Variants in PDILT observed in about 807,000 individuals in gnomAD.
PDILT encodes the protein protein disulfide-isomerase-like protein of the testis.
Under a neutral mutation model 53.7 loss-of-function variants are expected in PDILT, and 43 were observed. That is an observed-to-expected ratio of 0.80 (90% CI 0.63 to 1.03). PDILT has a LOEUF of 1.03. Among genes scored for constraint, PDILT ranks in the 50% least tolerant of loss-of-function variants. PDILT has a pLI of 0.00. For missense variants in PDILT, 727 were observed against 712.3 expected (o/e 1.02, Z -0.24); for synonymous variants, 282 against 274.2 (o/e 1.03, Z -0.28).
At position 20,367,048 on chromosome 16, in the gene PDILT, T is replaced by G. The variant is rs1408317139; in HGVS notation, c.1117-1508A>C. Among the ~76,000 whole-genome samples, 8 of 67,598 alleles carry G rather than the reference T, an allele frequency of 1.2e-4. 1 individual carries two copies. Among genetic ancestry groups the G allele is most frequent in the African/African-American group, 4.6e-4 (7 of 15,198 alleles). The allele number at this position is 67,598 out of a possible 152,430, so 44.3% of individuals were successfully genotyped here. On this transcript the variant is annotated intron_variant, in intron 8 of 11. Transcript: ENST00000302451. ...TCTTCTTTCTTTCTTTCTTTCTTTCTTTCTTTCTTTCTTTCTTTCTTTCTT... is the reference window on the plus strand; with the variant it reads ...TCTTCTTTCTTTCTTTCTTTCTTTCGTTCTTTCTTTCTTTCTTTCTTTCTT...
In PDILT at chr16:20,375,055, C is replaced by T. The variant is rs779986969; in HGVS notation, c.544-96G>A. 583 of 1,380,478 alleles carry T rather than the reference C, an allele frequency of 4.2e-4. 1 individual carries two copies. The highest frequency in any genetic ancestry group is 5.5e-4 in the Non-Finnish European group (565 of 1,024,582). The allele number at this position is 1,380,478 out of a possible 1,614,324, so 85.5% of individuals were successfully genotyped here. ...GGCAGTGGTGGCTGATTCGTCTCTT[C>T]ACTTTTTCAAGTTCTGGGGTTTGCC... is the stretch of plus-strand genomic sequence containing the variant. On this transcript the variant is annotated intron_variant, in intron 4 of 11. Transcript: ENST00000302451.
intron 2 of PDILT, among the ~76,000 whole-genome samples, chr16:20,394,777 C>T (rs899220320): frequency 6.6e-6 from 1 of 152,196 alleles, no homozygotes; most frequent in Non-Finnish European, 1.5e-5. Flanking sequence ...TCCCACCTTG[C>T]TGGCTGGAGG....
chr16:20,360,018 C>T (rs1036162265), intron 11 of PDILT, among the ~76,000 whole-genome samples: 8 of 152,148 alleles, frequency 5.3e-5, no homozygotes, highest in Non-Finnish European at 8.8e-5. Context: ...GAGAATGAAA[C>T]CAACATAGAG....
intron 7 of PDILT, 68 bp from the exon 8 acceptor site, chr16:20,369,757 TG>T (rs1375738269): frequency 2.6e-6 from 4 of 1,513,862 alleles, no homozygotes; most frequent in Non-Finnish European, 3.7e-6. Flanking sequence ...GCTGAAAGGC[TG>T]TGGACTAAGG....
intron 3 of PDILT, among the ~76,000 whole-genome samples, chr16:20,381,135 C>A (rs552062738): frequency 9.8e-5 from 15 of 152,362 alleles, no homozygotes; most frequent in African/African-American, 3.6e-4. Flanking sequence ...AGAGCAATGG[C>A]CATGGCCAAG....
Position 20,362,602 on chromosome 16 carries a change from G to T in PDILT, c.1238-20C>A. On this transcript the variant is annotated intron_variant, in intron 9 of 11. Transcript: ENST00000302451. ...GTGCATCTGGAAGAGAAGGTCCATG[G>T]CTCAGGCTCACATTGATGAAGATCC... is the stretch of plus-strand genomic sequence containing the variant. 1 of 1,612,814 alleles carries T rather than the reference G, an allele frequency of 6.2e-7. No individual in the cohort carries two copies. The highest frequency in any genetic ancestry group is 8.5e-7 in the Non-Finnish European group (1 of 1,179,154).
intron 9 of PDILT, among the ~76,000 whole-genome samples, chr16:20,363,376 G>A (rs1043584811): frequency 6.6e-6 from 1 of 151,904 alleles, no homozygotes; most frequent in African/African-American, 2.4e-5. Flanking sequence ...TTTTAACATA[G>A]TGTTCCACTC....
intron 1 of PDILT, among the ~76,000 whole-genome samples, chr16:20,402,070 C>A (rs779903580): frequency 6.6e-6 from 1 of 152,256 alleles, no homozygotes; most frequent in Non-Finnish European, 1.5e-5. Flanking sequence ...TCTTTACTCA[C>A]TTGCTCACTC....
At position 20,404,645 on chromosome 16, in the gene PDILT, G is replaced by T. The variant is rs949633358; in HGVS notation, c.-157C>A. 6.6e-6 allele frequency: 1 copy of T among 152,284 alleles called. No individual in the cohort carries two copies. The highest frequency in any genetic ancestry group is 2.4e-5 in the African/African-American group (1 of 41,448). 9.4% of individuals were successfully genotyped at this position (152,284 alleles called of 1,614,324 possible). ...TCTCCTTGTGATCAGGGCAGGACCC[G>T]CAGACGACTGGGCATTCTAAAGAAT... is the stretch of plus-strand genomic sequence containing the variant. On this transcript the variant is annotated 5_prime_UTR_variant, in exon 1 of 12. Coordinates refer to ENST00000302451, the MANE Select transcript of PDILT (RefSeq NM_174924.2).
chr16:20,399,576 C>G (rs1362455387), intron 1 of PDILT, among the ~76,000 whole-genome samples: 2 of 152,106 alleles, frequency 1.3e-5, no homozygotes, highest in East Asian at 3.9e-4. Flanking sequence ...GCAGACCACT[C>G]AAGCCCACTG....
intron 10 of PDILT, among the ~76,000 whole-genome samples, chr16:20,361,474 A>ACGC (rs1966100266): frequency 6.6e-6 from 1 of 152,070 alleles, no homozygotes; most frequent in South Asian, 2.1e-4. Context: ...TTGAGACACC[A>ACGC]CGCCCGACTC....
In PDILT at chr16:20,399,266, G is replaced by T. The variant is rs1966700584; in HGVS notation, c.35C>A (p.Ala12Asp). ...DLLWMPLLLV[A>D]ACVSAVHSSP... Reference sequence around the variant, plus strand: ...GCTGTGGACAGCAGAGACACAAGCGGCCACCAGCAGCAGGGGCATCCAGAG... The same window carrying T: ...GCTGTGGACAGCAGAGACACAAGCGTCCACCAGCAGCAGGGGCATCCAGAG... The change falls in exon 2 of 12, where the codon GCC becomes GAC. Residue 12 changes from alanine to aspartate, a missense_variant. Physicochemically the swap from Ala to Asp is moderately radical, Grantham distance 126 (BLOSUM62 -2). Coordinates refer to ENST00000302451, the MANE Select transcript of PDILT (RefSeq NM_174924.2). 1 of 1,613,918 alleles carries T rather than the reference G, an allele frequency of 6.2e-7. No homozygotes were observed. The highest frequency in any genetic ancestry group is 1.1e-5 in the South Asian group (1 of 91,088).
intron 5 of PDILT, among the ~76,000 whole-genome samples, chr16:20,373,740 C>T (rs1966341601): frequency 6.7e-6 from 1 of 148,844 alleles, no homozygotes. Context: ...TGTAACCAAT[C>T]TAGCTGTTTC....
At chr16:20,382,299 A>G (rs1462245772) in intron 3 of PDILT, among the ~76,000 whole-genome samples, 2 of 152,256 alleles carry the variant, frequency 1.3e-5, no homozygotes, top group African/African-American at 4.8e-5. Flanking sequence ...TCTTGCTTAG[A>G]GTACAGCGCA....
chr16:20,363,037 A>C (rs1419048721), intron 9 of PDILT, among the ~76,000 whole-genome samples: 1 of 132,772 alleles, frequency 7.5e-6, no homozygotes, highest in Non-Finnish European at 1.5e-5. Context: ...GCGCCACTGC[A>C]CTCGAGTCTG....
At chr16:20,398,057 C>T (rs904306143) in intron 2 of PDILT, among the ~76,000 whole-genome samples, 1 of 152,162 alleles carries the variant, frequency 6.6e-6, no homozygotes, top group African/African-American at 2.4e-5. Context: ...GTTTCTGTTT[C>T]CTCAACTATC....
intron 2 of PDILT, among the ~76,000 whole-genome samples, chr16:20,388,096 G>T (rs1298795551): frequency 6.6e-6 from 1 of 152,102 alleles, no homozygotes; most frequent in East Asian, 1.9e-4. Context: ...GAAGAGTCAA[G>T]GGTGTCTCTG....
intron 3 of PDILT, 28 bp from the exon 4 acceptor site, chr16:20,376,229 C>T: frequency 1.9e-6 from 3 of 1,611,572 alleles, no homozygotes; most frequent in South Asian, 2.2e-5. Flanking sequence ...CAAATAGATA[C>T]CAGAGAAGTT....
At chr16:20,370,182 A>G (rs1310524493) in intron 7 of PDILT, among the ~76,000 whole-genome samples, 4 of 152,194 alleles carry the variant, frequency 2.6e-5, no homozygotes, top group Admixed American at 2.0e-4. Context: ...ACATTCATGG[A>G]GTGTCTACTA....
Sources: gnomAD v4.1 joint callset for allele counts (sites outside exome capture counted in the v4.1 genomes callset) on GRCh38, gnomAD v4.1.1 for gene constraint, MANE v1.5 for transcripts, NCBI Gene and HGNC (gene_info 2026-07-23, HGNC 2026-07-21) for gene names.